The following UTP20 variants were observed in gnomAD, a reference collection of about 807,000 sequenced individuals.
The protein encoded by UTP20 is UTP20 small subunit processome component.
In UTP20, 164 loss-of-function variants were observed where a neutral mutation model predicts 329.5. The observed-to-expected ratio is 0.50, with a 90% CI of 0.44 to 0.57. The LOEUF (loss-of-function observed/expected upper bound fraction) is 0.57. Ranked by LOEUF, UTP20 falls within the 20% of genes least tolerant of loss-of-function variation. The probability of loss-of-function intolerance (pLI) is 0.00; values close to 1 mark genes in which losing one functional copy is unlikely to be tolerated. For synonymous variants in UTP20, 1,151 were observed against 1,159.3 expected (o/e 0.99, Z 0.14); for missense variants, 3,055 against 3,284.2 (o/e 0.93, Z 1.71).
intron 25 of UTP20, among the ~76,000 whole-genome samples, chr12:101,322,220 C>T (rs1203791846): frequency 1.3e-5 from 2 of 152,084 alleles, no homozygotes; most frequent in Non-Finnish European, 2.9e-5. Flanking sequence ...GAACTCCTGA[C>T]CTCAGGCGAT....
chr12:101,362,528 A>G (rs1235652586), intron 44 of UTP20, among the ~76,000 whole-genome samples: 2 of 101,942 alleles, frequency 2.0e-5, no homozygotes, highest in African/African-American at 1.3e-4. Flanking sequence ...ACATGGTGAA[A>G]CCCCGTCTCT....
chr12:101,286,559 C>T, intron 5 of UTP20, 50 bp downstream of exon 5: 1 of 1,425,262 alleles, frequency 7.0e-7, no homozygotes, highest in South Asian at 1.7e-5. Flanking sequence ...GCTTCTTTTT[C>T]CCTGGCTTCT....
chr12:101,293,333 G>GT (rs1872234915), intron 11 of UTP20, 88 bp downstream of exon 11: 2 of 1,278,842 alleles, frequency 1.6e-6, no homozygotes, highest in Admixed American at 1.8e-5. Context: ...ATTTCTGTTT[G>GT]TTTTTTGAGA....
chr12:101,363,497 G>T lies in UTP20; in HGVS notation c.5791-79G>T, dbSNP rs562605489. The T allele has an allele frequency of 9.9e-6, 13 of 1,309,422 alleles. No homozygotes were observed. In the South Asian group the frequency reaches 2.1e-4, roughly 21 times the overall value. The allele number at this position is 1,309,422 out of a possible 1,614,324, so 81.1% of individuals were successfully genotyped here. A position where few individuals can be genotyped will look rare whatever the true frequency, so the allele number is the denominator to read the frequency against. Reference sequence around the variant, plus strand: ...CATTTCTTTGATTTGGACATACCAGGGCCTTTTTTCAGTGACTGCTTATGT... The same window carrying T: ...CATTTCTTTGATTTGGACATACCAGTGCCTTTTTTCAGTGACTGCTTATGT... On this transcript the variant is annotated intron_variant, in intron 44 of 61. Coordinates refer to ENST00000261637, the MANE Select transcript of UTP20 (RefSeq NM_014503.3).
chr12:101,385,739 T>G lies in UTP20; in HGVS notation c.8202+11T>G, dbSNP rs1870805690. On this transcript the variant is annotated intron_variant, in intron 61 of 61. Transcript: ENST00000261637. ...AGGAAGGCCCTGGAGGTAAGTTTGC[T>G]CTTTGAAAATATGGCATGTTCACTG... The G allele has an allele frequency of 6.2e-7, 1 of 1,607,958 alleles. No homozygotes were observed. The highest frequency in any genetic ancestry group is 1.1e-5 in the South Asian group (1 of 89,664).
chr12:101,322,538 C>G (rs1055024157), intron 25 of UTP20, among the ~76,000 whole-genome samples: 2 of 152,148 alleles, frequency 1.3e-5, no homozygotes, highest in Admixed American at 6.5e-5. Context: ...TTTCATCTCA[C>G]CAGCTCTGGA....
Position 101,285,874 on chromosome 12 carries a change from C to T in UTP20, c.319C>T (p.Leu107Phe). Residue 107 changes from leucine to phenylalanine, a missense_variant, in exon 4 of 62, where the codon CTT (leucine) becomes TTT (phenylalanine). By Grantham distance (22) the Leu-to-Phe change is conservative. Coordinates refer to ENST00000261637, the MANE Select transcript of UTP20 (RefSeq NM_014503.3). ...TAAGAACAGTTTTGCCTATCAACCC[C>T]TTTTGGAGTAAGTAGCATCTTGAGA... ...QVKNSFAYQPLLDLVVQLARD... is the reference protein window; with the variant it reads ...QVKNSFAYQPFLDLVVQLARD... The T allele has an allele frequency of 6.2e-7, 1 of 1,613,302 alleles. No individual in the cohort carries two copies. Among genetic ancestry groups the T allele is most frequent in the South Asian group, 1.1e-5 (1 of 90,946 alleles).
At chr12:101,282,589 G>T (rs1871836304) in intron 2 of UTP20, among the ~76,000 whole-genome samples, 1 of 152,178 alleles carries the variant, frequency 6.6e-6, no homozygotes, top group South Asian at 2.1e-4. Flanking sequence ...TTATCCTGAA[G>T]CTGTAGGGAC....
At chr12:101,370,959 G>T in intron 50 of UTP20, 99 bp from the exon 51 acceptor site, 1 of 984,222 alleles carries the variant, frequency 1.0e-6, no homozygotes. Context: ...ACTTTCTTGT[G>T]TTTGAAAATG....
rs994190333 is a variant in UTP20, at chr12:101,375,732, G to A, written c.7372G>A (p.Ala2458Thr). 5.0e-6 allele frequency: 8 copies of A among 1,584,332 alleles called. No homozygotes were observed. Among genetic ancestry groups the A allele is most frequent in the African/African-American group, 2.7e-5 (2 of 74,084 alleles). The change falls in exon 56 of 62, where the codon GCT becomes ACT. Residue 2458 changes from alanine to threonine, a missense_variant. Transcript: ENST00000261637. ...TAATATTATTCAGTTTACCAAACCC[G>A]CTGAGACTTTGAGTAAAATCTGGAG... ...ECNIIQFTKP[A>T]ETLSKIWSHV... is the part of the protein sequence containing the mutation.
At chr12:101,341,613 G>A (rs1192441274) in intron 32 of UTP20, among the ~76,000 whole-genome samples, 1 of 152,118 alleles carries the variant, frequency 6.6e-6, no homozygotes, top group Non-Finnish European at 1.5e-5. Flanking sequence ...AAAAATGATA[G>A]AAACTTTAAC....
intron 10 of UTP20, among the ~76,000 whole-genome samples, chr12:101,292,804 G>T (rs887988671): frequency 2.0e-5 from 3 of 152,190 alleles, no homozygotes; most frequent in African/African-American, 7.2e-5. Context: ...TCCAAGCAGG[G>T]ATATGATTTG....
chr12:101,309,354 A>C (rs1872720261), intron 18 of UTP20, among the ~76,000 whole-genome samples: 1 of 152,158 alleles, frequency 6.6e-6, no homozygotes, highest in African/African-American at 2.4e-5. Flanking sequence ...CCTTTTACTG[A>C]ACTTGCAAAG....
At chr12:101,379,015 A>G (rs111497080) in intron 56 of UTP20, among the ~76,000 whole-genome samples, 231 of 152,350 alleles carry the variant, frequency 1.5e-3, no homozygotes, top group African/African-American at 5.3e-3. Flanking sequence ...ACAATGTCCA[A>G]TGATCCAATT....
rs1448650957 is a variant in UTP20, at chr12:101,354,826, A to G, written c.5108-6A>G. 1.2e-6 allele frequency: 2 copies of G among 1,611,006 alleles called. No homozygotes were observed. The highest frequency in any genetic ancestry group is 8.5e-7 in the Non-Finnish European group (1 of 1,178,520). ...TAAGGTGACTTTTGTTGTTTATTAA[A>G]CATAGACGCAATTGAAGCAATTGAG... is the stretch of plus-strand genomic sequence containing the variant. On this transcript the variant is annotated splice_polypyrimidine_tract_variant and splice_region_variant and intron_variant, in intron 40 of 61. Coordinates refer to ENST00000261637, the MANE Select transcript of UTP20 (RefSeq NM_014503.3).
chr12:101,296,771 A>C (rs1170742240), intron 12 of UTP20, among the ~76,000 whole-genome samples: 2 of 152,022 alleles, frequency 1.3e-5, no homozygotes, highest in African/African-American at 4.8e-5. Flanking sequence ...AAATAAAATA[A>C]AAATAAAAAT....
chr12:101,311,611 C>T, intron 19 of UTP20, 108 bp from the exon 20 acceptor site: 2 of 996,600 alleles, frequency 2.0e-6, no homozygotes, highest in East Asian at 2.6e-5. Context: ...TGAGGGATAA[C>T]CTAATTGACA....
In UTP20 at chr12:101,295,507, A is replaced by G. The variant is rs200302469; in HGVS notation, c.1279A>G (p.Ile427Val). 1 of 1,607,438 alleles carries G rather than the reference A, an allele frequency of 6.2e-7. No individual in the cohort carries two copies. The highest frequency in any genetic ancestry group is 8.5e-7 in the Non-Finnish European group (1 of 1,176,902). ...TTTTCTACCAAGCTTTCTGTCATAT[A>G]TTGTGAATTGCTTCTTAATTGATGA... Reference protein sequence around the residue: ...QLFLPSFLSYIVNCFLIDDAV... With the variant: ...QLFLPSFLSYVVNCFLIDDAV... Residue 427 changes from isoleucine (I) to valine (V), a missense_variant, in exon 12 of 62, where the codon ATT (isoleucine) becomes GTT (valine). Ile to Val is a conservative substitution (Grantham distance 29). This residue lies in a region of UTP20 where 2,445 missense variants were observed against 2,575.5 expected (regional missense o/e 0.95). Coordinates refer to ENST00000261637, the MANE Select transcript of UTP20 (RefSeq NM_014503.3).
At chr12:101,286,198 G>T (rs932031813) in intron 4 of UTP20, 123 bp from the exon 5 acceptor site, 1 of 955,152 alleles carries the variant, frequency 1.0e-6, no homozygotes, top group South Asian at 2.2e-5. Context: ...TAATTTTTCA[G>T]ACTTGATTTA....
Sources: gnomAD v4.1 joint callset for allele counts (sites outside exome capture counted in the v4.1 genomes callset) on GRCh38, gnomAD v4.1.1 for gene constraint, gnomAD v4.1.1 regional missense constraint, MANE v1.5 for transcripts, NCBI Gene and HGNC (gene_info 2026-07-23, HGNC 2026-07-21) for gene names.